Variants in DIP2C observed in about 807,000 individuals in gnomAD.
The protein encoded by DIP2C is DIP2 acetate--CoA ligase C (putative).
DIP2C carries 33 observed loss-of-function variants against 192.4 expected under a neutral mutation model. The ratio of observed to expected loss-of-function variants is 0.17; its 90% CI spans 0.13 to 0.23. The LOEUF is 0.23. DIP2C is among the 10% of genes least tolerant of loss of function. The probability of loss-of-function intolerance (pLI) is 1.00; values close to 1 mark genes in which losing one functional copy is unlikely to be tolerated. For synonymous variants in DIP2C, 979 were observed against 864.1 expected, an observed-to-expected ratio of 1.13 and a Z score of -2.33; for missense variants, 1,537 against 2,110.1, an observed-to-expected ratio of 0.73 and a Z score of 5.32.
chr10:289,097 C>T lies in DIP2C; in HGVS notation c.3987-676G>A, dbSNP rs114918603. Among the ~76,000 whole-genome samples, 528 of 152,338 alleles carry T rather than the reference C, an allele frequency of 3.5e-3. 3 individuals carry two copies. Among genetic ancestry groups the T allele is most frequent in the African/African-American group, 0.011 (463 of 41,574 alleles). On this transcript the variant is annotated intron_variant, in intron 32 of 36. Transcript: ENST00000280886. ...CAGGTGCCTAGTGGACCATCACACT[C>T]TTCATTCACCTAAGGGGCAATTTTT...
At chr10:659,309 A>T (rs920036037) in intron 1 of DIP2C, among the ~76,000 whole-genome samples, 1 of 152,248 alleles carries the variant, frequency 6.6e-6, no homozygotes, top group Non-Finnish European at 1.5e-5. Context: ...ACATGCATGC[A>T]TCTGTACAGT....
intron 1 of DIP2C, among the ~76,000 whole-genome samples, chr10:575,672 C>G (rs765118883): frequency 6.6e-6 from 1 of 152,162 alleles, no homozygotes; most frequent in Non-Finnish European, 1.5e-5. Flanking sequence ...AGAGTCCAAG[C>G]TTGCTCAGCA....
chr10:676,214 C>T (rs1264476988), intron 1 of DIP2C, among the ~76,000 whole-genome samples: 1 of 152,184 alleles, frequency 6.6e-6, no homozygotes, highest in East Asian at 1.9e-4. Flanking sequence ...TTCAGCGCTG[C>T]TTCATGATAA....
rs117561480 is a variant in DIP2C at position 413,050 on chromosome 10, T to C, written c.1057+863A>G. On this transcript the variant is annotated intron_variant, in intron 8 of 36. Coordinates refer to ENST00000280886, the MANE Select transcript of DIP2C (RefSeq NM_014974.3). ...CTGAGGCTGGAGTGCTGTGACACAA[T>C]CATAGCTCAATGCAGCCTCGACCTC... Among the ~76,000 whole-genome samples the C allele has an allele frequency of 7.4e-4, 113 of 152,268 alleles. 5 individuals are homozygous for C. The East Asian group carries it at 0.021, about 28-fold the overall frequency.
At chr10:377,824 G>A (rs369288464) in intron 17 of DIP2C, among the ~76,000 whole-genome samples, 4 of 152,108 alleles carry the variant, frequency 2.6e-5, no homozygotes, top group Non-Finnish European at 5.9e-5. Context: ...TGACAAGGGG[G>A]TATTTTATCT....
chr10:460,987 G>C (rs947171442), intron 3 of DIP2C, among the ~76,000 whole-genome samples: 10 of 152,138 alleles, frequency 6.6e-5, no homozygotes, highest in Admixed American at 2.0e-4. Flanking sequence ...ATCATTTACA[G>C]ACAAGCAGAT....
At chr10:527,877 AGTT>A (rs1339611376) in intron 1 of DIP2C, among the ~76,000 whole-genome samples, 1 of 152,242 alleles carries the variant, frequency 6.6e-6, no homozygotes, top group African/African-American at 2.4e-5. Context: ...GAGTGCAGCC[AGTT>A]GTTCACCAAC....
At chr10:507,549 G>C (rs546317072) in intron 1 of DIP2C, among the ~76,000 whole-genome samples, 4 of 152,262 alleles carry the variant, frequency 2.6e-5, no homozygotes, top group South Asian at 4.2e-4. Flanking sequence ...AGAGGCGTGC[G>C]AGGTTAGGGA....
chr10:509,065 G>A (rs1845832337), intron 1 of DIP2C, among the ~76,000 whole-genome samples: 1 of 152,172 alleles, frequency 6.6e-6, no homozygotes, highest in South Asian at 2.1e-4. Flanking sequence ...CTGTTCCAGG[G>A]ACTGCTGTGG....
In DIP2C at chr10:651,825, G is replaced by A. The variant is rs1855929333; in HGVS notation, c.85+37669C>T. The A allele has an allele frequency of 8.7e-6, 2 of 230,956 alleles. No homozygotes were observed. Among genetic ancestry groups the A allele is most frequent in the Admixed American group, 1.1e-4 (2 of 19,008 alleles). The allele number at this position is 230,956 out of a possible 1,614,324, so 14.3% of individuals were successfully genotyped here. The stretch of plus-strand genomic sequence containing the variant: ...GCAGCTGCGGCATGAGAGAGATGGT[G>A]TGGGGCGAAACCAATGGGGAAACTA... On this transcript the variant is annotated intron_variant, in intron 1 of 36. Coordinates refer to ENST00000280886, the MANE Select transcript of DIP2C (RefSeq NM_014974.3). This position sits in a 1 kb window ranked among gnomAD's most constrained non-coding sequence, Gnocchi z 4.1.
intron 1 of DIP2C, among the ~76,000 whole-genome samples, chr10:595,757 T>C (rs1182124390): frequency 2.0e-5 from 3 of 152,178 alleles, no homozygotes; most frequent in Admixed American, 1.3e-4. Flanking sequence ...AGTCAGGTTT[T>C]TTCAATAAGG....
chr10:607,167 T>C (rs527905193), intron 1 of DIP2C, among the ~76,000 whole-genome samples: 1 of 152,340 alleles, frequency 6.6e-6, no homozygotes, highest in South Asian at 2.1e-4. Flanking sequence ...TCCAAAGCTC[T>C]ACAAAGTCGT....
At chr10:438,025 T>TATG (rs1967410520) in intron 4 of DIP2C, 1 of 152,218 alleles carries the variant, frequency 6.6e-6, no homozygotes, top group South Asian at 2.1e-4. Flanking sequence ...TATTGATATT[T>TATG]ATGATTGTAC....
intron 1 of DIP2C, among the ~76,000 whole-genome samples, chr10:529,254 C>T (rs138983191): frequency 6.6e-6 from 1 of 152,192 alleles, no homozygotes; most frequent in Non-Finnish European, 1.5e-5. Context: ...ACTGGGTATT[C>T]ACGTAAAATA....
chr10:612,609 G>A (rs778760456), intron 1 of DIP2C, among the ~76,000 whole-genome samples: 4 of 152,020 alleles, frequency 2.6e-5, no homozygotes, highest in South Asian at 2.1e-4. Flanking sequence ...ATTCCTCTAC[G>A]TCCTTTGAAA....
intron 35 of DIP2C, among the ~76,000 whole-genome samples, chr10:282,457 T>C (rs1177757365): frequency 6.6e-6 from 1 of 152,238 alleles, no homozygotes; most frequent in Admixed American, 6.5e-5. Flanking sequence ...TAGAGAGGTA[T>C]GTAAGGAAGC....
intron 1 of DIP2C, among the ~76,000 whole-genome samples, chr10:510,622 CA>C (rs1383994074): frequency 6.6e-6 from 1 of 152,198 alleles, no homozygotes; most frequent in African/African-American, 2.4e-5. Flanking sequence ...GACAGCAGAG[CA>C]ATGGGGATAA....
At chr10:347,734 T>G (rs150264563) in intron 26 of DIP2C, among the ~76,000 whole-genome samples, 1 of 66,806 alleles carries the variant, frequency 1.5e-5, no homozygotes. Context: ...ACATCGCGCA[T>G]AGTTCTCCCG....
At chr10:510,744 G>T (rs956154199) in intron 1 of DIP2C, among the ~76,000 whole-genome samples, 8 of 152,250 alleles carry the variant, frequency 5.3e-5, no homozygotes, top group Non-Finnish European at 1.0e-4. Flanking sequence ...GCAGCCTGCT[G>T]TTTCCAGCGC....
Sources: allele counts gnomAD v4.1 joint callset (sites outside exome capture counted in the v4.1 genomes callset), GRCh38; gene constraint gnomAD v4.1.1; non-coding constraint Gnocchi (gnomAD v3.1); transcripts MANE v1.5; gene names NCBI Gene and HGNC (gene_info 2026-07-23, HGNC 2026-07-21).